Variants in TMEM181 observed in about 807,000 individuals in gnomAD.
The protein encoded by TMEM181 is G protein-coupled receptor 178.
A neutral mutation model predicts 71.9 loss-of-function variants in TMEM181; 39 were observed. The observed-to-expected ratio is 0.54, with a 90% CI of 0.42 to 0.71. The LOEUF (loss-of-function observed/expected upper bound fraction) is 0.71. TMEM181 is among the 30% of genes least tolerant of loss of function. TMEM181 has a pLI of 0.00. For missense variants in TMEM181, 595 were observed against 583.0 expected (o/e 1.02, Z -0.21); for synonymous variants, 245 against 228.8 (o/e 1.07, Z -0.64).
At chr6:158,536,857 C>T (rs1582903186) in exon 1 of TMEM181, 1 of 1,425,710 alleles carries the variant, frequency 7.0e-7, no homozygotes, top group Non-Finnish European at 9.2e-7. Context: ...AGGATGACCG[C>T]TACTACAGGT....
chr6:158,572,220 T>C (rs969362354), intron 1 of TMEM181, among the ~76,000 whole-genome samples: 2 of 152,214 alleles, frequency 1.3e-5, no homozygotes, highest in African/African-American at 2.4e-5. Context: ...CTGCAGTCTC[T>C]CAGGCGTGTG....
At chr6:158,563,102 T>G (rs1268097589) in intron 1 of TMEM181, among the ~76,000 whole-genome samples, 1 of 152,144 alleles carries the variant, frequency 6.6e-6, no homozygotes, top group East Asian at 1.9e-4. Flanking sequence ...CATTGCTAGG[T>G]GGTGGGTTCC....
intron 6 of TMEM181, among the ~76,000 whole-genome samples, chr6:158,599,666 C>T (rs1486011154): frequency 1.3e-5 from 2 of 152,222 alleles, no homozygotes; most frequent in African/African-American, 2.4e-5. Context: ...TACTTGTGGA[C>T]GCCTGTGAGG....
chr6:158,607,156 A>G, intron 7 of TMEM181, 88 bp from the exon 8 acceptor site: 1 of 1,065,616 alleles, frequency 9.4e-7, no homozygotes, highest in Non-Finnish European at 1.5e-6. Context: ...ATTAGAGAAG[A>G]CAACCTGGTA....
At chr6:158,568,185 C>T (rs988683035) in intron 1 of TMEM181, among the ~76,000 whole-genome samples, 11 of 151,976 alleles carry the variant, frequency 7.2e-5, no homozygotes, top group East Asian at 3.9e-4. Flanking sequence ...TTTCAGGGTA[C>T]GAGAATGGAG....
At chr6:158,571,347 T>C (rs902574553) in intron 1 of TMEM181, among the ~76,000 whole-genome samples, 3 of 148,088 alleles carry the variant, frequency 2.0e-5, no homozygotes, top group East Asian at 2.1e-4. Flanking sequence ...CCGCCCACCT[T>C]GGCCTCCCAA....
rs563229478 is a variant in TMEM181, at chr6:158,567,453, G to A, written c.9-5967G>A. ...CAAGCCGTTCGCCGTCAGGCACTCT[G>A]CTGTGTAGTGCAGACTGCATCTGTT... On this transcript the variant is annotated intron_variant, in intron 1 of 16. Coordinates refer to ENST00000684151, the MANE Select transcript of TMEM181 (RefSeq NM_001376852.1). Among the ~76,000 whole-genome samples the A allele has an allele frequency of 5.3e-5, 8 of 152,380 alleles. No homozygotes were observed. In the East Asian group the frequency reaches 1.5e-3, roughly 29 times the overall value.
intron 6 of TMEM181, among the ~76,000 whole-genome samples, chr6:158,601,176 T>C (rs1158077809): frequency 1.3e-5 from 2 of 152,244 alleles, no homozygotes; most frequent in African/African-American, 4.8e-5. Flanking sequence ...TTTGGGTTTA[T>C]AGTAGTAACT....
chr6:158,608,660 GAGAA>G lies in TMEM181; in HGVS notation c.813_816del (p.Arg271SerfsTer3). 2 of 1,600,830 alleles carry G rather than the reference GAGAA, an allele frequency of 1.2e-6. No individual in the cohort carries two copies. Among genetic ancestry groups the G allele is most frequent in the South Asian group, 2.3e-5 (2 of 87,654 alleles). ...TACTTCTTATTTTTTTCTTTTTAGGGAGAAAGAAAGTGTTTAACTTTCTATTTGC... is the reference window on the plus strand; with the variant it reads ...TACTTCTTATTTTTTTCTTTTTAGGGAGAAAGTGTTTAACTTTCTATTTGC... On this transcript the variant is annotated frameshift_variant and splice_region_variant, in exon 10 of 17. Coordinates refer to ENST00000684151, the MANE Select transcript of TMEM181 (RefSeq NM_001376852.1). LOFTEE classifies it high-confidence loss of function.
chr6:158,557,762 G>A (rs1042036135), upstream of TMEM181, among the ~76,000 whole-genome samples: 10 of 152,234 alleles, frequency 6.6e-5, no homozygotes, highest in Middle Eastern at 0.01. Flanking sequence ...GGTGATCCCC[G>A]CCTCACCTTC....
At chr6:158,593,181 G>C (rs571874369) in intron 6 of TMEM181, among the ~76,000 whole-genome samples, 2 of 152,104 alleles carry the variant, frequency 1.3e-5, no homozygotes, top group African/African-American at 4.8e-5. Flanking sequence ...AGTTGGGAGC[G>C]ATCTGTATTT....
intron 1 of TMEM181, among the ~76,000 whole-genome samples, chr6:158,571,584 C>T (rs1472686764): frequency 6.6e-6 from 1 of 152,106 alleles, no homozygotes; most frequent in East Asian, 1.9e-4. Flanking sequence ...AGGCATGAGC[C>T]ACCGCGCCCG....
chr6:158,600,200 C>G (rs907838324), intron 6 of TMEM181, among the ~76,000 whole-genome samples: 14 of 151,962 alleles, frequency 9.2e-5, no homozygotes, highest in African/African-American at 3.2e-4. Flanking sequence ...TGGAGTTTTG[C>G]TCTTGTTGCC....
At chr6:158,549,952 CTTTTTT>C (rs34066198) in intron 1 of TMEM181, among the ~76,000 whole-genome samples, 2 of 110,860 alleles carry the variant, frequency 1.8e-5, no homozygotes, top group Non-Finnish European at 3.5e-5. Flanking sequence ...TTTGTCAGGA[CTTTTTT>C]TTTTTTTTTT....
chr6:158,560,110 G>A lies in TMEM181; in HGVS notation c.-115G>A, dbSNP rs1266085320. Reference sequence around the variant, plus strand: ...TCTGATGAGTTTTCCGCGGCCGGCCGCTGCTCAGCCGCTGTCGCTCCGGCT... The same window carrying A: ...TCTGATGAGTTTTCCGCGGCCGGCCACTGCTCAGCCGCTGTCGCTCCGGCT... On this transcript the variant is annotated 5_prime_UTR_variant, in exon 1 of 17. Transcript: ENST00000684151. 1 of 984,914 alleles carries A rather than the reference G, an allele frequency of 1.0e-6. No individual in the cohort carries two copies. Among genetic ancestry groups the A allele is most frequent in the East Asian group, 1.1e-4 (1 of 8,792 alleles). 61.0% of individuals were successfully genotyped at this position (984,914 alleles called of 1,614,324 possible).
At position 158,585,312 on chromosome 6, in the gene TMEM181, A is replaced by G. The variant is rs565772467; in HGVS notation, c.268A>G (p.Ile90Val). The G allele has an allele frequency of 2.2e-5, 36 of 1,602,142 alleles. No individual in the cohort carries two copies. The highest frequency in any genetic ancestry group is 1.3e-4 in the African/African-American group (10 of 74,386). ...ATTTTTTTCTTTTGTAGAAACTTCT[A>G]TTAAGACAAGCTTTCCCATGACTGT... ...VELDQSKETSIKTSFPMTVKV... is the reference protein window; with the variant it reads ...VELDQSKETSVKTSFPMTVKV... The change falls in exon 5 of 17, where the codon ATT (isoleucine) becomes GTT (valine). Residue 90 changes from isoleucine to valine, a missense_variant. Physicochemically the swap from Ile to Val is conservative, Grantham distance 29. Coordinates refer to ENST00000684151, the MANE Select transcript of TMEM181 (RefSeq NM_001376852.1).
At chr6:158,624,130 G>A (rs1230091403) in intron 11 of TMEM181, among the ~76,000 whole-genome samples, 1 of 152,212 alleles carries the variant, frequency 6.6e-6, no homozygotes, top group Admixed American at 6.5e-5. Flanking sequence ...TTGAGGCCCT[G>A]TCACTGTGGT....
chr6:158,547,366 G>GT (rs528332953), intron 1 of TMEM181, among the ~76,000 whole-genome samples: 9 of 152,042 alleles, frequency 5.9e-5, no homozygotes, highest in Non-Finnish European at 1.0e-4. Context: ...TGAGCACTGG[G>GT]TTTTTTTTAA....
At chr6:158,578,747 A>G (rs1692984074) in intron 2 of TMEM181, among the ~76,000 whole-genome samples, 1 of 152,238 alleles carries the variant, frequency 6.6e-6, no homozygotes, top group South Asian at 2.1e-4. Context: ...CTGAGCAGTA[A>G]TTACTATAAA....
Sources: allele counts gnomAD v4.1 joint callset (sites outside exome capture counted in the v4.1 genomes callset), GRCh38; gene constraint gnomAD v4.1.1; transcripts MANE v1.5; gene names NCBI Gene and HGNC (gene_info 2026-07-23, HGNC 2026-07-21).